The following RABGAP1L variants were observed in gnomAD, a reference collection of about 807,000 sequenced individuals.
The protein encoded by RABGAP1L is rab GTPase-activating protein 1-like.
RABGAP1L carries 63 observed loss-of-function variants against 137.7 expected under a neutral mutation model. The ratio of observed to expected loss-of-function variants is 0.46; its 90% CI spans 0.37 to 0.56. The LOEUF is 0.56. RABGAP1L is among the 20% of genes least tolerant of loss of function. The pLI is 0.00. For synonymous variants in RABGAP1L, 431 were observed against 433.7 expected, an observed-to-expected ratio of 0.99 and a Z score of 0.08; for missense variants, 1,095 against 1,244.0, an observed-to-expected ratio of 0.88 and a Z score of 1.80.
At chr1:174,721,202 T>C (rs1407358506) in intron 17 of RABGAP1L, among the ~76,000 whole-genome samples, 2 of 152,204 alleles carry the variant, frequency 1.3e-5, no homozygotes, top group Non-Finnish European at 2.9e-5. Context: ...TTCTGTCCCA[T>C]ATGAGAGTTA....
At chr1:174,965,553 GC>G (rs1268940107) in intron 20 of RABGAP1L, among the ~76,000 whole-genome samples, 1 of 152,194 alleles carries the variant, frequency 6.6e-6, no homozygotes, top group Non-Finnish European at 1.5e-5. Flanking sequence ...GTAAAAGACA[GC>G]CACGTTAATA....
At chr1:174,262,972 C>G (rs953922073) in intron 7 of RABGAP1L, among the ~76,000 whole-genome samples, 1 of 152,244 alleles carries the variant, frequency 6.6e-6, no homozygotes, top group Non-Finnish European at 1.5e-5. Context: ...CAGGGACATC[C>G]AGTGATGCTG....
chr1:174,818,354 G>A (rs1261981597), intron 19 of RABGAP1L, among the ~76,000 whole-genome samples: 2 of 152,182 alleles, frequency 1.3e-5, no homozygotes, highest in Non-Finnish European at 2.9e-5. Context: ...AGTGTCAGTG[G>A]TACCTAGAGG....
intron 14 of RABGAP1L, among the ~76,000 whole-genome samples, chr1:174,669,214 C>T (rs1278124529): frequency 1.3e-5 from 2 of 151,990 alleles, no homozygotes; most frequent in Non-Finnish European, 1.5e-5. Context: ...GGAGGAACTA[C>T]CAAACACTTA....
intron 11 of RABGAP1L, among the ~76,000 whole-genome samples, chr1:174,337,079 A>G (rs907556580): frequency 6.6e-6 from 1 of 151,976 alleles, no homozygotes; most frequent in African/African-American, 2.4e-5. Flanking sequence ...ATAACAGATT[A>G]CCAAAAAAAA....
intron 19 of RABGAP1L, among the ~76,000 whole-genome samples, chr1:174,892,056 C>T (rs914012440): frequency 1.6e-4 from 24 of 152,206 alleles, no homozygotes; most frequent in African/African-American, 5.5e-4. Flanking sequence ...TCCGGGTGGG[C>T]ATGGTGGCCG....
intron 11 of RABGAP1L, among the ~76,000 whole-genome samples, chr1:174,361,481 T>G (rs1232268460): frequency 3.3e-5 from 5 of 152,162 alleles, no homozygotes; most frequent in Admixed American, 3.3e-4. Flanking sequence ...TAGTTTTTAT[T>G]ATAGAGATCT....
At chr1:174,629,227 T>C (rs1345222691) in intron 13 of RABGAP1L, among the ~76,000 whole-genome samples, 2 of 152,224 alleles carry the variant, frequency 1.3e-5, no homozygotes, top group South Asian at 2.1e-4. Context: ...TCAACTGTTA[T>C]GGGTAATTGG....
intron 13 of RABGAP1L, among the ~76,000 whole-genome samples, chr1:174,522,566 AG>A (rs1435287043): frequency 2.6e-5 from 4 of 151,948 alleles, no homozygotes; most frequent in Non-Finnish European, 5.9e-5. Flanking sequence ...GAGGGAGACG[AG>A]GGAAGGGAAA....
intron 13 of RABGAP1L, among the ~76,000 whole-genome samples, chr1:174,428,076 A>T (rs1652171345): frequency 6.6e-6 from 1 of 152,202 alleles, no homozygotes; most frequent in Non-Finnish European, 1.5e-5. Flanking sequence ...CTGGCATTTC[A>T]TCTTTCATCA....
chr1:174,634,685 A>G (rs1673779710), intron 13 of RABGAP1L, among the ~76,000 whole-genome samples: 1 of 120,622 alleles, frequency 8.3e-6, no homozygotes, highest in African/African-American at 3.8e-5. Context: ...CATATACACC[A>G]TGGAATACTA....
intron 7 of RABGAP1L, among the ~76,000 whole-genome samples, chr1:174,258,525 G>C (rs901755699): frequency 6.6e-6 from 1 of 152,192 alleles, no homozygotes; most frequent in Admixed American, 6.5e-5. Flanking sequence ...CTGAGTTCAA[G>C]TGATCTTGAC....
chr1:174,780,091 TAAA>T (rs1398510326), intron 18 of RABGAP1L, among the ~76,000 whole-genome samples: 210 of 149,914 alleles, frequency 1.4e-3, no homozygotes, highest in South Asian at 7.6e-3. Context: ...AATAAATAAA[TAAA>T]TAAATAAATA....
At chr1:174,479,699 A>T (rs561711287) in intron 13 of RABGAP1L, among the ~76,000 whole-genome samples, 1 of 152,344 alleles carries the variant, frequency 6.6e-6, no homozygotes, top group Admixed American at 6.5e-5. Flanking sequence ...TTCAGGCAAT[A>T]TAATTTACTA....
chr1:174,886,514 G>C (rs1468827480), intron 19 of RABGAP1L, among the ~76,000 whole-genome samples: 1 of 152,236 alleles, frequency 6.6e-6, no homozygotes, highest in Non-Finnish European at 1.5e-5. Flanking sequence ...ATCCGACACA[G>C]TCAGGGCTGT....
At chr1:174,251,271 C>T (rs1672691727) in intron 6 of RABGAP1L, among the ~76,000 whole-genome samples, 1 of 148,288 alleles carries the variant, frequency 6.7e-6, no homozygotes, top group African/African-American at 2.5e-5. Flanking sequence ...ATATATATAC[C>T]TTTTTTTTTT....
At chr1:174,529,424 C>G (rs1664198944) in intron 13 of RABGAP1L, among the ~76,000 whole-genome samples, 1 of 152,110 alleles carries the variant, frequency 6.6e-6, no homozygotes, top group South Asian at 2.1e-4. Flanking sequence ...CCAGTGGTGT[C>G]TGTGATTTCC....
intron 19 of RABGAP1L, among the ~76,000 whole-genome samples, chr1:174,920,548 C>T (rs1054157174): frequency 2.0e-5 from 3 of 152,138 alleles, no homozygotes; most frequent in East Asian, 1.9e-4. Flanking sequence ...ACTACTGTTA[C>T]GAGTTGAATT....
intron 13 of RABGAP1L, among the ~76,000 whole-genome samples, chr1:174,495,019 C>G (rs1572049741): frequency 6.6e-6 from 1 of 152,186 alleles, no homozygotes; most frequent in East Asian, 1.9e-4. Flanking sequence ...TTATCAATCC[C>G]TTATCCTCCT....
Sources: gnomAD v4.1 joint callset for allele counts (sites outside exome capture counted in the v4.1 genomes callset) on GRCh38, gnomAD v4.1.1 for gene constraint, MANE v1.5 for transcripts, NCBI Gene and HGNC (gene_info 2026-07-23, HGNC 2026-07-21) for gene names.